AGBL4: variants seen among roughly 807,000 people sequenced by gnomAD.
AGBL4 encodes the protein AGBL carboxypeptidase 4, also known as cytosolic carboxypeptidase 6.
AGBL4 carries 58 observed loss-of-function variants against 66.4 expected under a neutral mutation model. That is an observed-to-expected ratio of 0.87 (90% CI 0.71 to 1.09). The LOEUF (loss-of-function observed/expected upper bound fraction) is 1.09, where lower values mean the gene tolerates loss of function less well. Ranked by LOEUF, AGBL4 falls within the 50% of genes least tolerant of loss-of-function variation. The pLI is 0.00. For synonymous variants in AGBL4, 234 were observed against 222.9 expected (o/e 1.05, Z -0.44); for missense variants, 579 against 631.0 (o/e 0.92, Z 0.88).
At chr1:49,533,472 T>C (rs560346175) in intron 3 of AGBL4, among the ~76,000 whole-genome samples, 3 of 152,300 alleles carry the variant, frequency 2.0e-5, no homozygotes, top group Admixed American at 2.0e-4. Flanking sequence ...TCCATTTTCC[T>C]TTCTCAGAAG....
intron 4 of AGBL4, among the ~76,000 whole-genome samples, chr1:49,107,949 C>T (rs1645331090): frequency 6.6e-6 from 1 of 152,128 alleles, no homozygotes; most frequent in Admixed American, 6.6e-5. Context: ...AGGGTGGGGG[C>T]TTTGTGCTAA....
intron 4 of AGBL4, among the ~76,000 whole-genome samples, chr1:49,122,577 T>C (rs1645679947): frequency 6.6e-6 from 1 of 152,218 alleles, no homozygotes; most frequent in Admixed American, 6.5e-5. Context: ...TATCAAATAC[T>C]GCATATGGTT....
intron 3 of AGBL4, among the ~76,000 whole-genome samples, chr1:49,559,810 C>G (rs1212835582): frequency 6.6e-6 from 1 of 152,128 alleles, no homozygotes; most frequent in African/African-American, 2.4e-5. Context: ...GACTGAGCCT[C>G]TACTGACTTC....
chr1:49,040,862 A>T (rs547773029), intron 5 of AGBL4, among the ~76,000 whole-genome samples: 1 of 152,104 alleles, frequency 6.6e-6, no homozygotes, highest in Non-Finnish European at 1.5e-5. Context: ...CAACTCTATA[A>T]AAATCATAAG....
chr1:48,534,272 G>C lies in AGBL4; in HGVS notation c.1413C>G (p.Tyr471Ter). ...VQRRKEKSPP[Y>*]KHPLLRGPAS... Reference sequence around the variant, plus strand: ...CTGGGCCCCGCAGGAGTGGGTGCTTGTAAGGAGGGGATTTTTCTTTCCTGC... The same window carrying C: ...CTGGGCCCCGCAGGAGTGGGTGCTTCTAAGGAGGGGATTTTTCTTTCCTGC... Residue 471 changes from tyrosine to a stop codon, truncating the protein, a stop_gained, in exon 14 of 14, where the codon TAC becomes TAG. Transcript: ENST00000371839. LOFTEE classifies it high-confidence loss of function. 6.4e-7 allele frequency: 1 copy of C among 1,551,232 alleles called. No homozygotes were observed. Among genetic ancestry groups the C allele is most frequent in the Non-Finnish European group, 8.7e-7 (1 of 1,146,840 alleles).
intron 5 of AGBL4, among the ~76,000 whole-genome samples, chr1:49,026,553 C>A (rs149619487): frequency 1.0e-3 from 159 of 152,276 alleles, no homozygotes; most frequent in African/African-American, 3.4e-3. Context: ...TCATCTAATT[C>A]TGTCATTTAC....
rs11820924 is a variant in AGBL4 at position 49,480,596 on chromosome 1, T to C, written c.282+216717A>G. Among the ~76,000 whole-genome samples the C allele has an allele frequency of 3.4e-3, 521 of 152,226 alleles. 6 individuals carry two copies. Among genetic ancestry groups the C allele is most frequent in the African/African-American group, 0.012 (505 of 41,572 alleles). On this transcript the variant is annotated intron_variant, in intron 3 of 13. Transcript: ENST00000371839. ...TCTTTCATTTTGTAGATTATCTGTTTCTTCTGTTGATAGTTTATTTTGCTC... is the reference window on the plus strand; with the variant it reads ...TCTTTCATTTTGTAGATTATCTGTTCCTTCTGTTGATAGTTTATTTTGCTC...
At chr1:49,845,713 G>A (rs1327137560) in intron 2 of AGBL4, 2 of 1,595,040 alleles carry the variant, frequency 1.3e-6, no homozygotes, top group Non-Finnish European at 1.7e-6. Flanking sequence ...ATTCCTGACT[G>A]AGCATCAGAG....
chr1:48,888,158 C>T (rs1025177118), intron 5 of AGBL4, among the ~76,000 whole-genome samples: 1 of 152,196 alleles, frequency 6.6e-6, no homozygotes, highest in African/African-American at 2.4e-5. Context: ...TTTATGTTCA[C>T]ACCAGGGCTG....
the AGBL4 span, among the ~76,000 whole-genome samples, chr1:48,522,973 G>GGTTTA: frequency 6.6e-6 from 1 of 151,934 alleles, no homozygotes; most frequent in East Asian, 1.9e-4. Flanking sequence ...TCCTCATTAG[G>GGTTTA]GTTTAGCAAC....
At chr1:48,886,695 G>A (rs1242268552) in intron 5 of AGBL4, among the ~76,000 whole-genome samples, 2 of 152,056 alleles carry the variant, frequency 1.3e-5, no homozygotes, top group African/African-American at 4.8e-5. Context: ...TGGGACTACA[G>A]GCACCTGCCA....
chr1:49,283,592 A>G (rs1000824624), intron 3 of AGBL4, among the ~76,000 whole-genome samples: 2 of 152,352 alleles, frequency 1.3e-5, no homozygotes, highest in Non-Finnish European at 2.9e-5. Context: ...GGAAATTCAA[A>G]CCAAAGGCAA....
At chr1:49,653,021 C>A (rs1028854982) in intron 3 of AGBL4, among the ~76,000 whole-genome samples, 2 of 152,118 alleles carry the variant, frequency 1.3e-5, no homozygotes, top group African/African-American at 4.8e-5. Context: ...TGGGTGAGAC[C>A]TCCCAACAGG....
intron 5 of AGBL4, among the ~76,000 whole-genome samples, chr1:48,870,235 A>G (rs75550821): frequency 0.03 from 4,519 of 151,986 alleles, 98 homozygotes; most frequent in Non-Finnish European, 0.047. Context: ...CTCAAGTAGG[A>G]TCCTAGTGAG....
At chr1:49,860,343 T>C (rs1251466369) in intron 1 of AGBL4, among the ~76,000 whole-genome samples, 1 of 152,256 alleles carries the variant, frequency 6.6e-6, no homozygotes, top group Non-Finnish European at 1.5e-5. Context: ...CAATTGATTT[T>C]CAATAAAAGT....
chr1:49,268,750 C>T (rs1570286345), intron 3 of AGBL4, among the ~76,000 whole-genome samples: 1 of 152,130 alleles, frequency 6.6e-6, no homozygotes, highest in Admixed American at 6.6e-5. Context: ...GGATGTGAGT[C>T]CTAGATTACC....
intron 3 of AGBL4, among the ~76,000 whole-genome samples, chr1:49,564,154 T>A (rs1387205693): frequency 1.3e-5 from 2 of 152,210 alleles, no homozygotes; most frequent in Non-Finnish European, 2.9e-5. Context: ...TCGGTGGTGA[T>A]GTCCCCTTTG....
At chr1:48,967,243 A>G (rs750497348) in intron 5 of AGBL4, among the ~76,000 whole-genome samples, 8 of 135,686 alleles carry the variant, frequency 5.9e-5, no homozygotes, top group Admixed American at 1.6e-4. Flanking sequence ...TCACTCTCCA[A>G]TCTGGAAATG....
At chr1:50,023,689 C>G (rs1662618883) in intron 1 of AGBL4, 74 bp downstream of exon 1, 16 of 1,491,060 alleles carry the variant, frequency 1.1e-5, no homozygotes, top group Non-Finnish European at 1.3e-5. Flanking sequence ...GGACCATGCC[C>G]GAGTCCCCTG....
Sources: gnomAD v4.1 joint callset for allele counts (sites outside exome capture counted in the v4.1 genomes callset) on GRCh38, gnomAD v4.1.1 for gene constraint, MANE v1.5 for transcripts, NCBI Gene and HGNC (gene_info 2026-07-23, HGNC 2026-07-21) for gene names.